NPIPB11: variants seen among roughly 807,000 people sequenced by gnomAD.
NPIPB11 encodes nuclear pore complex interacting protein family member B11.
Under a neutral mutation model 32.8 loss-of-function variants are expected in NPIPB11, and 17 were observed. The observed-to-expected ratio is 0.52, with a 90% CI of 0.35 to 0.78. The LOEUF is 0.78. NPIPB11 is among the 30% of genes least tolerant of loss of function. NPIPB11 has a pLI of 0.01. For missense variants in NPIPB11, 537 were observed against 1,000.4 expected, an observed-to-expected ratio of 0.54 and a Z score of 6.25; for synonymous variants, 209 against 398.4, an observed-to-expected ratio of 0.52 and a Z score of 5.66.
chr16:29,397,575 C>G (rs576608126), intron 2 of NPIPB11: 8 of 1,521,424 alleles, frequency 5.3e-6, no homozygotes, highest in Non-Finnish European at 6.2e-6. Context: ...CACACGGATG[C>G]ACTGATGGCT....
chr16:29,392,673 A>G (rs1963751518), intron 3 of NPIPB11, among the ~76,000 whole-genome samples: 1 of 150,534 alleles, frequency 6.6e-6, no homozygotes, highest in East Asian at 2.0e-4. Context: ...TCACACCATT[A>G]TACTCCAGCC....
At position 29,393,999 on chromosome 16, in the gene NPIPB11, C is replaced by T. The variant is rs142005185; in HGVS notation, c.198G>A (p.Ala66=). Residue 66 remains alanine (A), a synonymous_variant, in exon 3 of 8, where the codon GCG becomes GCA. Transcript: ENST00000524087. Reference sequence around the variant, plus strand: ...TGACAACTTTATAACTTGTCGGAAACGCAATAATAATATGTAACCAAGGAC... The same window carrying T: ...TGACAACTTTATAACTTGTCGGAAATGCAATAATAATATGTAACCAAGGAC... 4.7e-4 allele frequency: 750 copies of T among 1,599,392 alleles called. 3 individuals carry two copies. In the African/African-American group the frequency reaches 6.3e-3, roughly 13 times the overall value.
chr16:29,400,886 T>G (rs960360984), intron 2 of NPIPB11, among the ~76,000 whole-genome samples: 1 of 152,098 alleles, frequency 6.6e-6, no homozygotes, highest in Non-Finnish European at 1.5e-5. Flanking sequence ...TCACCAAGTC[T>G]GGCTGACCAC....
chr16:29,389,670 A>AAG (rs1332459181), intron 5 of NPIPB11, among the ~76,000 whole-genome samples: 4 of 52,078 alleles, frequency 7.7e-5, no homozygotes, highest in Admixed American at 4.8e-4. Context: ...CATCTCAGGA[A>AAG]AAAAAAAAAA....
In NPIPB11 at chr16:29,382,228, T is replaced by A. The variant is rs563127630; in HGVS notation, c.2704A>T (p.Lys902Ter). The change falls in exon 8 of 8, where the codon AAA becomes TAA. Residue 902 changes from lysine to a stop codon, truncating the protein, a stop_gained. Transcript: ENST00000524087. LOFTEE classifies it high-confidence loss of function. ...GGTGGAAGGGGAGTGAGCTGACGTT[T>A]GGAAGGTGTCTTGAGATTATCATCC... is the stretch of plus-strand genomic sequence containing the variant. 4.5e-6 allele frequency: 7 copies of A among 1,542,814 alleles called. 1 individual carries two copies. The highest frequency in any genetic ancestry group is 1.2e-5 in the South Asian group (1 of 85,346).
At chr16:29,390,022 G>C in exon 5 of NPIPB11, 1 of 1,594,470 alleles carries the variant, frequency 6.3e-7, no homozygotes, top group Non-Finnish European at 8.5e-7. Flanking sequence ...ACGGATTTTA[G>C]CTCTAACTTT....
chr16:29,399,620 C>A (rs1963941397), intron 2 of NPIPB11, among the ~76,000 whole-genome samples: 1 of 151,764 alleles, frequency 6.6e-6, no homozygotes, highest in African/African-American at 2.4e-5. Flanking sequence ...ATAGTTTGAA[C>A]CCAGGAGGCA....
At chr16:29,394,492 T>C (rs373638477) in intron 2 of NPIPB11, among the ~76,000 whole-genome samples, 1 of 149,448 alleles carries the variant, frequency 6.7e-6, no homozygotes, top group South Asian at 2.1e-4. Flanking sequence ...TGGAGTGAAG[T>C]GGTGCAATCT....
chr16:29,402,870 T>A (rs900082754), intron 2 of NPIPB11, among the ~76,000 whole-genome samples: 3 of 127,562 alleles, frequency 2.4e-5, no homozygotes, highest in African/African-American at 1.0e-4. Context: ...ACTATTGGAC[T>A]TTTTGTAGAC....
At chr16:29,393,955 T>C in exon 3 of NPIPB11, 7 of 1,597,820 alleles carry the variant, frequency 4.4e-6, no homozygotes, top group Non-Finnish European at 5.9e-6. Context: ...CACCCAAAGG[T>C]AAACTATCCA....
intron 2 of NPIPB11, among the ~76,000 whole-genome samples, chr16:29,402,903 TGAA>T (rs1488097785): frequency 1.8e-4 from 24 of 135,456 alleles, no homozygotes; most frequent in African/African-American, 6.6e-4. Flanking sequence ...TCAAAACAAA[TGAA>T]GGAGAATAAA....
At chr16:29,394,856 CTGCCT>C (rs1451995142) in intron 2 of NPIPB11, among the ~76,000 whole-genome samples, 5 of 150,584 alleles carry the variant, frequency 3.3e-5, no homozygotes, top group African/African-American at 1.2e-4. Context: ...AGTGATTCTC[CTGCCT>C]CAGCCTCCTG....
chr16:29,390,660 A>T (rs1596675681), intron 3 of NPIPB11, among the ~76,000 whole-genome samples: 1 of 150,480 alleles, frequency 6.6e-6, no homozygotes, highest in South Asian at 2.1e-4. Context: ...ACATACACAC[A>T]CACACACACA....
chr16:29,399,623 A>T (rs372410800), intron 2 of NPIPB11, among the ~76,000 whole-genome samples: 2 of 151,128 alleles, frequency 1.3e-5, no homozygotes, highest in East Asian at 1.9e-4. Context: ...GTTTGAACCC[A>T]GGAGGCAGAG....
chr16:29,390,732 G>C (rs1336118367), intron 3 of NPIPB11, among the ~76,000 whole-genome samples: 2 of 151,888 alleles, frequency 1.3e-5, no homozygotes, highest in South Asian at 4.2e-4. Context: ...GGGAGGCTGA[G>C]GCAGGCGGAT....
rs139366479 is a variant in NPIPB11, at chr16:29,390,421, C to T, written c.250-73G>A. On this transcript the variant is annotated intron_variant, in intron 3 of 7. Coordinates refer to ENST00000524087, the Ensembl canonical transcript of NPIPB11. ...CGTATAATCCCAGTACTTCGGGAAG[C>T]TGAGGCAGGTGGATCACGGGGTCAG... 2.5e-6 allele frequency: 4 copies of T among 1,595,294 alleles called. No individual in the cohort carries two copies. In the Admixed American group the frequency reaches 6.7e-5, roughly 27 times the overall value.
At chr16:29,406,330 G>T (rs537702958), upstream of NPIPB11, among the ~76,000 whole-genome samples, 20 of 152,370 alleles carry the variant, frequency 1.3e-4, no homozygotes, top group South Asian at 3.5e-3. Context: ...GTTGATATAC[G>T]TGTTCCAAAA....
exon 8 of NPIPB11, chr16:29,383,135 T>G: frequency 6.3e-7 from 1 of 1,591,864 alleles, no homozygotes; most frequent in Non-Finnish European, 8.5e-7. Context: ...GAAGGTCTCT[T>G]GAGATTATCA....
intron 2 of NPIPB11, among the ~76,000 whole-genome samples, chr16:29,399,309 A>C (rs1369344109): frequency 1.3e-5 from 2 of 150,652 alleles, no homozygotes; most frequent in African/African-American, 4.9e-5. Context: ...CTATGACATA[A>C]GGTTATTGTA....
Sources: allele counts gnomAD v4.1 joint callset (sites outside exome capture counted in the v4.1 genomes callset), GRCh38; gene constraint gnomAD v4.1.1; transcripts MANE v1.5; gene names NCBI Gene and HGNC (gene_info 2026-07-23, HGNC 2026-07-21).